Variants in SLFN5 observed in about 807,000 individuals in gnomAD.
The protein encoded by SLFN5 is schlafen family member 5.
In SLFN5, 34 loss-of-function variants were observed where a neutral mutation model predicts 48.5. The observed-to-expected ratio is 0.70, with a 90% CI of 0.53 to 0.93. The LOEUF (loss-of-function observed/expected upper bound fraction) is 0.93, where lower values mean the gene tolerates loss of function less well. Among genes scored for constraint, SLFN5 ranks in the 40% least tolerant of loss-of-function variants. The pLI is 0.00. For missense variants in SLFN5, 1,006 were observed against 1,071.3 expected (o/e 0.94, Z 0.85); for synonymous variants, 387 against 396.2 (o/e 0.98, Z 0.28).
Position 35,260,973 on chromosome 17 carries a change from C to T in SLFN5, c.1015C>T (p.Leu339Phe), listed in dbSNP as rs560732386. Residue 339 changes from leucine (L) to phenylalanine (F), a missense_variant and splice_region_variant, in exon 3 of 5, where the codon CTT becomes TTT. Leu to Phe is a conservative substitution (Grantham distance 22, BLOSUM62 0). Transcript: ENST00000299977. Reference sequence around the variant, plus strand: ...ATCCTTGGTTCTTGTTTCCTAAGACCTTTCCAGGTGTCCTGAGATGGTTCT... The same window carrying T: ...ATCCTTGGTTCTTGTTTCCTAAGACTTTTCCAGGTGTCCTGAGATGGTTCT... ...TAWMMEADPD[L>F]SRCPEMVLQL... The T allele has an allele frequency of 6.0e-5, 97 of 1,613,474 alleles. No individual in the cohort carries two copies. The South Asian group carries it at 9.9e-4, about 16-fold the overall frequency.
At position 35,265,242 on chromosome 17, in the gene SLFN5, G is replaced by C. The variant is rs971588055; in HGVS notation, c.2030G>C (p.Gly677Ala). The C allele has an allele frequency of 1.2e-6, 2 of 1,614,110 alleles. No homozygotes were observed. The highest frequency in any genetic ancestry group is 1.7e-6 in the Non-Finnish European group (2 of 1,180,054). ...FITQTARDGP[G>A]VLWIFLDYFQ... ...ACTCAGACAGCAAGGGATGGCCCAG[G>C]AGTTCTCTGGATCTTTCTGGACTAC... The change falls in exon 5 of 5, where the codon GGA (glycine) becomes GCA (alanine). Residue 677 changes from glycine to alanine, a missense_variant. Coordinates refer to ENST00000299977, the MANE Select transcript of SLFN5 (RefSeq NM_144975.4).
chr17:35,259,948 T>G (rs1597652583), intron 2 of SLFN5: 3 of 482,170 alleles, frequency 6.2e-6, no homozygotes, highest in South Asian at 6.5e-5. Context: ...TAAAGGCTGG[T>G]GCAGGGGGCT....
chr17:35,259,815 C>G, intron 2 of SLFN5, 113 bp downstream of exon 2: 1 of 1,277,576 alleles, frequency 7.8e-7, no homozygotes, highest in South Asian at 1.5e-5. Context: ...GAGATTTACT[C>G]TCTGATTTGC....
chr17:35,246,469 T>G (rs527663262), intron 1 of SLFN5, among the ~76,000 whole-genome samples: 1 of 152,270 alleles, frequency 6.6e-6, no homozygotes, highest in South Asian at 2.1e-4. Flanking sequence ...TGCCCCCTCC[T>G]CTGACAGGCT....
In SLFN5 at chr17:35,265,941, G is replaced by C. The variant is rs1904672764; in HGVS notation, c.*53G>C. 1.1e-5 allele frequency: 17 copies of C among 1,501,966 alleles called. No individual in the cohort carries two copies. The highest frequency in any genetic ancestry group is 1.4e-5 in the Non-Finnish European group (16 of 1,121,488). 93.0% of individuals were successfully genotyped at this position (1,501,966 alleles called of 1,614,324 possible). A position where few individuals can be genotyped will look rare whatever the true frequency, so the allele number is the denominator to read the frequency against. On this transcript the variant is annotated 3_prime_UTR_variant, in exon 5 of 5. Coordinates refer to ENST00000299977, the MANE Select transcript of SLFN5 (RefSeq NM_144975.4). ...AAGTGGTTCTCATCTCTAATTAACT[G>C]TGAAACCATTTAATCCAAACATGTA...
At chr17:35,250,982 A>G (rs1299973939) in intron 1 of SLFN5, among the ~76,000 whole-genome samples, 2 of 152,326 alleles carry the variant, frequency 1.3e-5, no homozygotes, top group East Asian at 1.9e-4. Flanking sequence ...TTAACTGGAT[A>G]TTGCAAACAA....
intron 1 of SLFN5, among the ~76,000 whole-genome samples, chr17:35,255,631 T>A (rs2092452401): frequency 6.6e-6 from 1 of 152,192 alleles, no homozygotes; most frequent in Non-Finnish European, 1.5e-5. Context: ...AGCTTGTACT[T>A]GTATAACAGT....
At position 35,265,594 on chromosome 17, in the gene SLFN5, C is replaced by T. The variant is rs982276704; in HGVS notation, c.2382C>T (p.Phe794=). Residue 794 remains phenylalanine (F), a synonymous_variant, in exon 5 of 5, where the codon TTC becomes TTT. Transcript: ENST00000299977. ...GYSPKDIAVL[F]TKASEVEKYK... ...CTCCGAAGGATATTGCTGTGCTTTT[C>T]ACCAAAGCAAGTGAAGTGGAAAAAT... 9 of 1,614,082 alleles carry T rather than the reference C, an allele frequency of 5.6e-6. No individual in the cohort carries two copies. The highest frequency in any genetic ancestry group is 5.9e-6 in the Non-Finnish European group (7 of 1,180,058).
chr17:35,265,313 G>A lies in SLFN5; in HGVS notation c.2101G>A (p.Asp701Asn). The change falls in exon 5 of 5, where the codon GAC becomes AAC. Residue 701 changes from aspartate to asparagine, a missense_variant. Transcript: ENST00000299977. Reference sequence around the variant, plus strand: ...TTGCAGTGGCCTCCCCCCTCCCTCAGACCAGTATCCAAGAGAAGAGATCAA... The same window carrying A: ...TTGCAGTGGCCTCCCCCCTCCCTCAAACCAGTATCCAAGAGAAGAGATCAA... ...LSCSGLPPPS[D>N]QYPREEINRV... 6.2e-7 allele frequency: 1 copy of A among 1,614,096 alleles called. No individual in the cohort carries two copies. Among genetic ancestry groups the A allele is most frequent in the Non-Finnish European group, 8.5e-7 (1 of 1,180,010 alleles).
rs1407319710 is a variant in SLFN5 at position 35,264,463 on chromosome 17, T to C, written c.1419T>C (p.Ser473=). The C allele has an allele frequency of 6.2e-7, 1 of 1,614,188 alleles. No individual in the cohort carries two copies. The highest frequency in any genetic ancestry group is 1.7e-5 in the Admixed American group (1 of 60,016). ...GCTATTCTATGATAGTTGCCTATTCTTTGAAGCAGAAGCTGGTGAACAAAG... is the reference window on the plus strand; with the variant it reads ...GCTATTCTATGATAGTTGCCTATTCCTTGAAGCAGAAGCTGGTGAACAAAG... The part of the protein sequence containing the change: ...CKGYSMIVAY[S]LKQKLVNKGG... Residue 473 remains serine (S), a synonymous_variant, in exon 4 of 5, where the codon TCT becomes TCC. Transcript: ENST00000299977.
chr17:35,267,315 CA>C lies in SLFN5; in HGVS notation c.*1432del, dbSNP rs1904724294. On this transcript the variant is annotated 3_prime_UTR_variant, in exon 5 of 5. Coordinates refer to ENST00000299977, the MANE Select transcript of SLFN5 (RefSeq NM_144975.4). ...TGTGCAAAATTAGTAAAAATATACC[CA>C]AAAATTTACCAGCAACAGAGAAGCA... 6.6e-6 allele frequency: 1 copy of C among 152,042 alleles called. No homozygotes were observed. The highest frequency in any genetic ancestry group is 2.1e-4 in the South Asian group (1 of 4,816). The allele number at this position is 152,042 out of a possible 1,614,324, so 9.4% of individuals were successfully genotyped here.
intron 1 of SLFN5, among the ~76,000 whole-genome samples, chr17:35,252,282 T>C (rs533221124): frequency 7.2e-5 from 11 of 152,166 alleles, no homozygotes; most frequent in African/African-American, 2.6e-4. Context: ...ATTTAAAAAA[T>C]TAGCTGTGCA....
chr17:35,255,389 A>G (rs2092451894), intron 1 of SLFN5, among the ~76,000 whole-genome samples: 1 of 152,254 alleles, frequency 6.6e-6, no homozygotes, highest in Admixed American at 6.5e-5. Context: ...GTAAGTTGAA[A>G]TAAAAACAAC....
chr17:35,247,769 A>G (rs1362442993), intron 1 of SLFN5, among the ~76,000 whole-genome samples: 5 of 152,212 alleles, frequency 3.3e-5, no homozygotes, highest in Admixed American at 6.5e-5. Flanking sequence ...ACATAGGCAT[A>G]GGTCCTACAA....
intron 3 of SLFN5, among the ~76,000 whole-genome samples, chr17:35,262,766 A>G (rs764229902): frequency 1.3e-5 from 2 of 152,098 alleles, no homozygotes; most frequent in African/African-American, 2.4e-5. Flanking sequence ...TAGAAAGCTG[A>G]GGTGGGAGAA....
chr17:35,268,838 A>G lies in SLFN5; in HGVS notation c.*2950A>G, dbSNP rs1904765436. 1 of 152,220 alleles carries G rather than the reference A, an allele frequency of 6.6e-6. No homozygotes were observed. The highest frequency in any genetic ancestry group is 2.1e-4 in the South Asian group (1 of 4,824). 9.4% of individuals were successfully genotyped at this position (152,220 alleles called of 1,614,324 possible). A position where few individuals can be genotyped will look rare whatever the true frequency, so the allele number is the denominator to read the frequency against. On this transcript the variant is annotated 3_prime_UTR_variant, in exon 5 of 5. Coordinates refer to ENST00000299977, the MANE Select transcript of SLFN5 (RefSeq NM_144975.4). Reference sequence around the variant, plus strand: ...CTGTACCCAATTTCTCCCTCTCTGAACTGCAGCCTAGAAACTCTCTACAGG... The same window carrying G: ...CTGTACCCAATTTCTCCCTCTCTGAGCTGCAGCCTAGAAACTCTCTACAGG...
chr17:35,264,494 T>C lies in SLFN5; in HGVS notation c.1450T>C (p.Tyr484His). Residue 484 changes from tyrosine (Y) to histidine (H), a missense_variant, in exon 4 of 5, where the codon TAC becomes CAC. Transcript: ENST00000299977. ...LKQKLVNKGG[Y>H]TGRLCITPLV... is the part of the protein sequence containing the mutation. ...GCAGAAGCTGGTGAACAAAGGCGGC[T>C]ACACTGGGAGGTTATGCATCACCCC... 1 of 1,614,150 alleles carries C rather than the reference T, an allele frequency of 6.2e-7. No individual in the cohort carries two copies. Among genetic ancestry groups the C allele is most frequent in the Non-Finnish European group, 8.5e-7 (1 of 1,180,006 alleles).
chr17:35,258,674 G>C lies in SLFN5; in HGVS notation c.-17G>C, dbSNP rs764984254. The C allele has an allele frequency of 1.9e-6, 3 of 1,603,466 alleles. No individual in the cohort carries two copies. In the Middle Eastern group the frequency reaches 5.0e-4, roughly 266 times the overall value. The stretch of plus-strand genomic sequence containing the variant: ...AGGAGAACATTTCAGGATAGGAATA[G>C]GCCAAGTGCTGAGAAGATGAGTCTT... On this transcript the variant is annotated 5_prime_UTR_variant, in exon 2 of 5. Coordinates refer to ENST00000299977, the MANE Select transcript of SLFN5 (RefSeq NM_144975.4).
chr17:35,255,657 T>C (rs568560662), intron 1 of SLFN5, among the ~76,000 whole-genome samples: 133 of 152,266 alleles, frequency 8.7e-4, no homozygotes, highest in Middle Eastern at 6.8e-3. Context: ...GGAAAAAAAA[T>C]GAAAACTCAT....
Sources: allele counts gnomAD v4.1 joint callset (sites outside exome capture counted in the v4.1 genomes callset), GRCh38; gene constraint gnomAD v4.1.1; transcripts MANE v1.5; gene names NCBI Gene and HGNC (gene_info 2026-07-23, HGNC 2026-07-21).